The following CSTF3 variants were observed in gnomAD, a reference collection of about 807,000 sequenced individuals.
CSTF3 encodes CF-1 77 kDa subunit.
A neutral mutation model predicts 105.8 loss-of-function variants in CSTF3; 29 were observed. The observed-to-expected ratio is 0.27, with a 90% CI of 0.20 to 0.37. CSTF3 has a LOEUF of 0.37. CSTF3 is among the 10% of genes least tolerant of loss of function. The pLI is 1.00. For synonymous variants in CSTF3, 252 were observed against 281.9 expected, an observed-to-expected ratio of 0.89 and a Z score of 1.06; for missense variants, 357 against 879.3, an observed-to-expected ratio of 0.41 and a Z score of 7.51.
intron 13 of CSTF3, among the ~76,000 whole-genome samples, chr11:33,097,297 T>TAGA (rs1304079285): frequency 6.6e-6 from 1 of 152,220 alleles, no homozygotes; most frequent in Non-Finnish European, 1.5e-5. Context: ...GTGACACTAC[T>TAGA]AGAACATACT....
chr11:33,102,411 AG>A (rs1855289196), intron 9 of CSTF3, 72 bp from the exon 10 acceptor site: 1 of 1,433,158 alleles, frequency 7.0e-7, no homozygotes, highest in Non-Finnish European at 9.6e-7. Flanking sequence ...GGGGTAGATC[AG>A]TTTGGAAGAC....
chr11:33,123,293 C>T (rs1465674899), intron 3 of CSTF3, among the ~76,000 whole-genome samples: 2 of 151,898 alleles, frequency 1.3e-5, no homozygotes, highest in Non-Finnish European at 2.9e-5. Flanking sequence ...AAGGGAAATG[C>T]AAATGAAAAC....
At chr11:33,140,215 T>A (rs1855696087) in intron 3 of CSTF3, among the ~76,000 whole-genome samples, 1 of 152,012 alleles carries the variant, frequency 6.6e-6, no homozygotes, top group East Asian at 1.9e-4. Flanking sequence ...TTTTAATGAG[T>A]TAATACAAAG....
chr11:33,109,706 T>C (rs1008779990), intron 3 of CSTF3, among the ~76,000 whole-genome samples: 7 of 152,210 alleles, frequency 4.6e-5, no homozygotes, highest in Non-Finnish European at 1.0e-4. Context: ...TCATTTACTT[T>C]TATTACCACA....
intron 3 of CSTF3, among the ~76,000 whole-genome samples, chr11:33,131,450 C>T (rs1855597855): frequency 6.6e-6 from 1 of 152,080 alleles, no homozygotes; most frequent in Admixed American, 6.5e-5. Flanking sequence ...TAGCTATTTC[C>T]ACAATTATAC....
chr11:33,138,294 A>G (rs970677764), intron 3 of CSTF3, among the ~76,000 whole-genome samples: 7 of 151,956 alleles, frequency 4.6e-5, no homozygotes, highest in Middle Eastern at 3.4e-3. Context: ...TTCTCTAACA[A>G]TAAGATATTG....
intron 10 of CSTF3, among the ~76,000 whole-genome samples, chr11:33,101,684 C>G (rs1342187821): frequency 6.6e-6 from 1 of 151,974 alleles, no homozygotes; most frequent in Admixed American, 6.6e-5. Context: ...TGTACAATAT[C>G]TAAAAGAAAA....
chr11:33,141,239 CTT>C (rs948987044), intron 3 of CSTF3: 5 of 165,750 alleles, frequency 3.0e-5, no homozygotes, highest in Non-Finnish European at 6.4e-5. Context: ...TAATTCTTCT[CTT>C]AAAATGTTTC....
At chr11:33,102,102 T>G (rs1283842204) in intron 10 of CSTF3, 75 bp downstream of exon 10, 9 of 1,237,404 alleles carry the variant, frequency 7.3e-6, no homozygotes, top group Admixed American at 4.5e-5. Flanking sequence ...GGTAAGAAAA[T>G]TTTAGTAACC....
Position 33,099,552 on chromosome 11 carries a change from A to G in CSTF3, c.936+56T>C. ...ATTCAGTTATATTTTTCAGTAAATA[A>G]TTGCTATATCAAAACCACAAAAATA... On this transcript the variant is annotated intron_variant, in intron 11 of 20. Transcript: ENST00000323959. The surrounding 1 kb of genome is among the most constrained non-coding windows in gnomAD (Gnocchi z 4.1). 9.0e-7 allele frequency: 1 copy of G among 1,115,370 alleles called. No individual in the cohort carries two copies. The highest frequency in any genetic ancestry group is 1.3e-6 in the Non-Finnish European group (1 of 762,686). 69.1% of individuals were successfully genotyped at this position (1,115,370 alleles called of 1,614,324 possible).
chr11:33,111,970 T>C (rs868340402), intron 3 of CSTF3, among the ~76,000 whole-genome samples: 4 of 152,156 alleles, frequency 2.6e-5, no homozygotes, highest in Non-Finnish European at 5.9e-5. Context: ...TTAAAAATCA[T>C]TGGCCAGGCA....
In CSTF3 at chr11:33,096,958, T is replaced by C; in HGVS notation, c.1149A>G (p.Lys383=). 6.2e-7 allele frequency: 1 copy of C among 1,607,558 alleles called. No individual in the cohort carries two copies. Among genetic ancestry groups the C allele is most frequent in the African/African-American group, 1.3e-5 (1 of 74,750 alleles). ...TGATGCCTTCTGCTCTCCGTGCAAA[T>C]TTCATATATTGGATATATACCTATG... ...DPTLVYIQYM[K]FARRAEGIKS... is the part of the protein sequence containing the mutation. Residue 383 remains lysine (K), a synonymous_variant, in exon 14 of 21, where the codon AAA becomes AAG. Coordinates refer to ENST00000323959, the MANE Select transcript of CSTF3 (RefSeq NM_001326.3).
intron 1 of CSTF3, among the ~76,000 whole-genome samples, chr11:33,150,397 T>C (rs1282434984): frequency 6.6e-6 from 1 of 152,126 alleles, no homozygotes; most frequent in Non-Finnish European, 1.5e-5. Flanking sequence ...TAATAATCTA[T>C]AATCCTAATA....
In CSTF3 at chr11:33,121,441, G is replaced by T. The variant is rs901789229; in HGVS notation, c.226-13023C>A. On this transcript the variant is annotated intron_variant, in intron 3 of 20. Transcript: ENST00000323959. ...TCTCCAAACACGGCCACATTTAAAG[G>T]CTTAACGAAAACATATCCTATTTTC... 6.6e-4 allele frequency among the ~76,000 whole-genome samples: 101 copies of T among 151,996 alleles called. 13 individuals carry two copies. The highest frequency in any genetic ancestry group is 2.9e-5 in the Non-Finnish European group (2 of 67,950).
intron 1 of CSTF3, among the ~76,000 whole-genome samples, chr11:33,151,798 G>A (rs778560390): frequency 3.3e-5 from 5 of 152,096 alleles, no homozygotes; most frequent in African/African-American, 1.2e-4. Flanking sequence ...TAAAGGGGCT[G>A]TACTATTTTA....
intron 1 of CSTF3, among the ~76,000 whole-genome samples, chr11:33,143,993 A>G (rs976390929): frequency 2.0e-5 from 3 of 152,172 alleles, no homozygotes; most frequent in Non-Finnish European, 4.4e-5. Flanking sequence ...CTCAAAAAAA[A>G]AAGTTAATTT....
intron 9 of CSTF3, 100 bp from the exon 10 acceptor site, chr11:33,102,439 T>C: frequency 1.0e-6 from 1 of 979,610 alleles, no homozygotes. Context: ...AGATGCCTAC[T>C]TTTTCCAAAT....
intron 3 of CSTF3, 28 bp downstream of exon 3, chr11:33,141,639 A>T: frequency 1.9e-6 from 3 of 1,593,652 alleles, no homozygotes; most frequent in Non-Finnish European, 1.7e-6. Context: ...CAATACTGAT[A>T]TAAGAAAAAA....
chr11:33,091,611 A>C lies in CSTF3; in HGVS notation c.1445+660T>G, dbSNP rs1409408110. On this transcript the variant is annotated intron_variant, in intron 16 of 20. Coordinates refer to ENST00000323959, the MANE Select transcript of CSTF3 (RefSeq NM_001326.3). ...GACATAATATGTAAAACAAACTTTG[A>C]ATTTACAAGAGTCTTTGCTTTTGAG... Among the ~76,000 whole-genome samples, 5 of 152,236 alleles carry C rather than the reference A, an allele frequency of 3.3e-5. No homozygotes were observed. In the East Asian group the frequency reaches 9.6e-4, roughly 29 times the overall value.
Sources: allele counts gnomAD v4.1 joint callset (sites outside exome capture counted in the v4.1 genomes callset), GRCh38; gene constraint gnomAD v4.1.1; non-coding constraint Gnocchi (gnomAD v3.1); transcripts MANE v1.5; gene names NCBI Gene and HGNC (gene_info 2026-07-23, HGNC 2026-07-21).